The following MSH3 variants were observed in gnomAD, a reference collection of about 807,000 sequenced individuals.
MSH3 encodes the protein DNA mismatch repair protein Msh3.
Under a neutral mutation model 123.3 loss-of-function variants are expected in MSH3, and 106 were observed. That is an observed-to-expected ratio of 0.86 (90% CI 0.73 to 1.01). MSH3 has a LOEUF of 1.01. Ranked by LOEUF, MSH3 falls within the 50% of genes least tolerant of loss-of-function variation. The probability of loss-of-function intolerance (pLI) is 0.00; values close to 1 mark genes in which losing one functional copy is unlikely to be tolerated. For synonymous variants in MSH3, 515 were observed against 481.4 expected (o/e 1.07, Z -0.91); for missense variants, 1,459 against 1,347.6 (o/e 1.08, Z -1.29).
intron 20 of MSH3, among the ~76,000 whole-genome samples, chr5:80,846,411 TGCTGAGAGAACC>T (rs1745722215): frequency 6.6e-6 from 1 of 151,576 alleles, no homozygotes; most frequent in Admixed American, 6.6e-5. Flanking sequence ...TCGAATGCCA[TGCTGAGAGAACC>T]GCTGCTGTCT....
chr5:80,801,418 T>C (rs978416520), intron 19 of MSH3, among the ~76,000 whole-genome samples: 1 of 152,144 alleles, frequency 6.6e-6, no homozygotes, highest in Admixed American at 6.5e-5. Flanking sequence ...GATGTACAAC[T>C]TATCTCGTGC....
intron 9 of MSH3, among the ~76,000 whole-genome samples, chr5:80,727,228 A>G (rs1290045150): frequency 6.6e-6 from 1 of 152,238 alleles, no homozygotes; most frequent in East Asian, 1.9e-4. Context: ...CTTCTAACAC[A>G]TTGATACACC....
intron 8 of MSH3, among the ~76,000 whole-genome samples, chr5:80,699,457 C>G (rs1264773325): frequency 6.8e-6 from 1 of 147,902 alleles, no homozygotes; most frequent in Non-Finnish European, 1.5e-5. Context: ...ACTTGGGAGG[C>G]TGAGGCAGGA....
chr5:80,724,008 G>A (rs1266555446), intron 8 of MSH3, among the ~76,000 whole-genome samples: 4 of 152,054 alleles, frequency 2.6e-5, no homozygotes, highest in Admixed American at 6.5e-5. Flanking sequence ...CTCCTGCCTC[G>A]GCCTCCCAAA....
chr5:80,675,965 C>G (rs1221607549), intron 7 of MSH3, among the ~76,000 whole-genome samples: 1 of 152,146 alleles, frequency 6.6e-6, no homozygotes, highest in Non-Finnish European at 1.5e-5. Flanking sequence ...AAATACCATA[C>G]TAAATTAATA....
intron 3 of MSH3, among the ~76,000 whole-genome samples, chr5:80,665,731 T>A (rs1749554916): frequency 6.6e-6 from 1 of 152,180 alleles, no homozygotes; most frequent in Admixed American, 6.5e-5. Flanking sequence ...GATGGGCAAC[T>A]TAGATATTTT....
At chr5:80,841,783 TCTTTGTAGATTCTGGATATTAGCC>T (rs1181615335) in intron 20 of MSH3, among the ~76,000 whole-genome samples, 3 of 152,230 alleles carry the variant, frequency 2.0e-5, no homozygotes, top group East Asian at 3.8e-4. Context: ...TTGTTTAAGT[TCTTTGTAGATTCTGGATATTAGCC>T]CTTTGTCAGA....
At chr5:80,856,489 G>A (rs930082550) in intron 21 of MSH3, among the ~76,000 whole-genome samples, 1 of 144,594 alleles carries the variant, frequency 6.9e-6, no homozygotes, top group Admixed American at 7.3e-5. Context: ...CTCATAGGTG[G>A]GAGTTGAACA....
intron 21 of MSH3, among the ~76,000 whole-genome samples, chr5:80,863,277 C>G (rs2112116549): frequency 6.6e-6 from 1 of 152,308 alleles, no homozygotes; most frequent in East Asian, 1.9e-4. Context: ...TGACACAGCC[C>G]TCAGGAGGTC....
At chr5:80,736,423 C>T (rs552053074) in intron 10 of MSH3, among the ~76,000 whole-genome samples, 36 of 151,998 alleles carry the variant, frequency 2.4e-4, no homozygotes, top group South Asian at 4.2e-4. Flanking sequence ...AACATAATAG[C>T]GAATAAATGT....
At chr5:80,874,785 ACT>A (rs1561507055) in intron 23 of MSH3, among the ~76,000 whole-genome samples, 2 of 152,144 alleles carry the variant, frequency 1.3e-5, no homozygotes, top group Admixed American at 6.5e-5. Flanking sequence ...GAGCAAAAAA[ACT>A]CTCAGATTAC....
At chr5:80,742,451 A>G (rs1052250935) in intron 11 of MSH3, among the ~76,000 whole-genome samples, 1 of 152,246 alleles carries the variant, frequency 6.6e-6, no homozygotes, top group African/African-American at 2.4e-5. Flanking sequence ...TGTTATCCTA[A>G]CAAAGTAATA....
chr5:80,850,487 A>G (rs1745812054), intron 20 of MSH3, among the ~76,000 whole-genome samples: 1 of 152,202 alleles, frequency 6.6e-6, no homozygotes. Context: ...ATGGCTGGGG[A>G]GGCCTCACAA....
intron 19 of MSH3, among the ~76,000 whole-genome samples, chr5:80,795,979 C>T (rs1429878341): frequency 1.4e-5 from 2 of 143,758 alleles, no homozygotes; most frequent in African/African-American, 5.1e-5. Context: ...GTGAGACTGT[C>T]TCAAAAAAAA....
intron 18 of MSH3, among the ~76,000 whole-genome samples, chr5:80,790,227 T>C (rs1744585444): frequency 6.6e-6 from 1 of 152,196 alleles, no homozygotes; most frequent in Non-Finnish European, 1.5e-5. Context: ...GCAATCTAAA[T>C]GTTTAACAGT....
At chr5:80,819,309 A>G (rs1745159303) in intron 20 of MSH3, among the ~76,000 whole-genome samples, 1 of 151,680 alleles carries the variant, frequency 6.6e-6, no homozygotes, top group Admixed American at 6.6e-5. Flanking sequence ...TATATATAGG[A>G]CAAGTCACCC....
rs2112798504 is a variant in MSH3 at position 80,654,930 on chromosome 5, C to CTCCCGCCT, written c.211_218dup (p.Gln74SerfsTer9). On this transcript the variant is annotated frameshift_variant, in exon 1 of 24. Transcript: ENST00000265081. LOFTEE classifies it high-confidence loss of function. Reference sequence around the variant, plus strand: ...GCCGCAGCGCCCCCAGCGCCCCCAGCTCCCGCCTTCCCGCCCCAGCTGCCG... The same window carrying CTCCCGCCT: ...GCCGCAGCGCCCCCAGCGCCCCCAGCTCCCGCCTTCCCGCCTTCCCGCCCCAGCTGCCG... 2.5e-6 allele frequency: 2 copies of CTCCCGCCT among 810,550 alleles called. No homozygotes were observed. Among genetic ancestry groups the CTCCCGCCT allele is most frequent in the Non-Finnish European group, 3.3e-6 (2 of 599,960 alleles). 50.2% of individuals were successfully genotyped at this position (810,550 alleles called of 1,614,324 possible). A position where few individuals can be genotyped will look rare whatever the true frequency, so the allele number is the denominator to read the frequency against.
chr5:80,806,246 G>C (rs1002959083), intron 19 of MSH3, among the ~76,000 whole-genome samples: 1 of 152,154 alleles, frequency 6.6e-6, no homozygotes, highest in Non-Finnish European at 1.5e-5. Context: ...TTACTGGCAT[G>C]TGCCACCACA....
In MSH3 at chr5:80,813,755, T is replaced by C; in HGVS notation, c.2813+14T>C. 2 of 1,613,970 alleles carry C rather than the reference T, an allele frequency of 1.2e-6. No individual in the cohort carries two copies. Among genetic ancestry groups the C allele is most frequent in the South Asian group, 1.1e-5 (1 of 91,088 alleles). On this transcript the variant is annotated intron_variant, in intron 20 of 23. Coordinates refer to ENST00000265081, the MANE Select transcript of MSH3 (RefSeq NM_002439.5). ...CATTTTCACAAGGTAAGTACGTTAA[T>C]TCAGCTTGCATATATTCTTGAAAAT...
Sources: allele counts gnomAD v4.1 joint callset (sites outside exome capture counted in the v4.1 genomes callset), GRCh38; gene constraint gnomAD v4.1.1; transcripts MANE v1.5; gene names NCBI Gene and HGNC (gene_info 2026-07-23, HGNC 2026-07-21).